The following CADM2 variants were observed in gnomAD, a reference collection of about 807,000 sequenced individuals.
CADM2 encodes the protein immunoglobulin superfamily member 4D.
A neutral mutation model predicts 49.8 loss-of-function variants in CADM2; 12 were observed. The ratio of observed to expected loss-of-function variants is 0.24; its 90% CI spans 0.15 to 0.39. The LOEUF is 0.39. Among genes scored for constraint, CADM2 ranks in the 10% least tolerant of loss-of-function variants. The probability of loss-of-function intolerance (pLI) is 1.00; values close to 1 mark genes in which losing one functional copy is unlikely to be tolerated. For synonymous variants in CADM2, 214 were observed against 175.4 expected (o/e 1.22, Z -1.74); for missense variants, 378 against 492.3 (o/e 0.77, Z 2.20).
chr3:85,448,836 G>A (rs1336463550), intron 1 of CADM2, among the ~76,000 whole-genome samples: 2 of 151,770 alleles, frequency 1.3e-5, no homozygotes, highest in Non-Finnish European at 2.9e-5. Context: ...GGATCACGAG[G>A]TCAGGAGATC....
At chr3:85,493,412 A>T (rs2039758185) in intron 1 of CADM2, among the ~76,000 whole-genome samples, 1 of 148,250 alleles carries the variant, frequency 6.7e-6, no homozygotes, top group Non-Finnish European at 1.5e-5. Flanking sequence ...AATAAATATC[A>T]ACTTTCATTA....
intron 3 of CADM2, among the ~76,000 whole-genome samples, chr3:85,831,420 G>A (rs2074181958): frequency 6.6e-6 from 1 of 151,938 alleles, no homozygotes; most frequent in Admixed American, 6.6e-5. Flanking sequence ...GCTTTCCCCA[G>A]CAACTGAACT....
chr3:86,058,740 T>G (rs570517558), intron 8 of CADM2, among the ~76,000 whole-genome samples: 27 of 152,198 alleles, frequency 1.8e-4, no homozygotes, highest in Middle Eastern at 3.4e-3. Flanking sequence ...AATTATTTCC[T>G]ACCATTATAT....
At chr3:85,095,277 C>T (rs778028986) in intron 1 of CADM2, among the ~76,000 whole-genome samples, 1 of 152,070 alleles carries the variant, frequency 6.6e-6, no homozygotes, top group Non-Finnish European at 1.5e-5. Flanking sequence ...TAATGGGACT[C>T]TAGGAGATTG....
intron 1 of CADM2, among the ~76,000 whole-genome samples, chr3:85,096,364 A>G (rs1304926028): frequency 6.6e-6 from 1 of 151,712 alleles, no homozygotes; most frequent in Non-Finnish European, 1.5e-5. Context: ...AGATCACTAA[A>G]CATTCAGTGA....
intron 1 of CADM2, among the ~76,000 whole-genome samples, chr3:85,682,850 GTTAT>G (rs1367177393): frequency 6.6e-6 from 1 of 151,890 alleles, no homozygotes; most frequent in Non-Finnish European, 1.5e-5. Flanking sequence ...TGAGTCTTCT[GTTAT>G]TTATTTATTT....
intron 1 of CADM2, among the ~76,000 whole-genome samples, chr3:85,461,699 C>G (rs2038253689): frequency 6.6e-6 from 1 of 152,228 alleles, no homozygotes; most frequent in Middle Eastern, 3.4e-3. Context: ...CTATTCTAAT[C>G]CATTCTATTT....
chr3:85,478,755 G>A (rs892384044), intron 1 of CADM2, among the ~76,000 whole-genome samples: 2 of 151,866 alleles, frequency 1.3e-5, no homozygotes, highest in Non-Finnish European at 1.5e-5. Flanking sequence ...GTGGTAGGCA[G>A]TCAGGAGATG....
intron 1 of CADM2, among the ~76,000 whole-genome samples, chr3:85,400,191 C>T (rs558489577): frequency 6.6e-6 from 1 of 152,248 alleles, no homozygotes; most frequent in Non-Finnish European, 1.5e-5. Flanking sequence ...GCCTTTTCTG[C>T]ATCTATTGAG....
chr3:85,944,363 C>T (rs1034742792), intron 7 of CADM2, among the ~76,000 whole-genome samples: 3 of 151,888 alleles, frequency 2.0e-5, no homozygotes, highest in Admixed American at 6.6e-5. Flanking sequence ...GACAGATCAA[C>T]GAAACAGAAA....
At chr3:85,755,262 A>C (rs1340617337) in intron 2 of CADM2, among the ~76,000 whole-genome samples, 2 of 152,182 alleles carry the variant, frequency 1.3e-5, no homozygotes, top group African/African-American at 4.8e-5. Context: ...CAGGTTGGAA[A>C]ATGTGTTAGA....
intron 1 of CADM2, among the ~76,000 whole-genome samples, chr3:85,281,870 G>A (rs1318041402): frequency 6.6e-6 from 1 of 151,984 alleles, no homozygotes; most frequent in African/African-American, 2.4e-5. Context: ...GTGAAACTAA[G>A]GAAAGGCCTA....
At chr3:85,116,097 C>T (rs537320772) in intron 1 of CADM2, among the ~76,000 whole-genome samples, 14 of 152,260 alleles carry the variant, frequency 9.2e-5, no homozygotes, top group South Asian at 4.1e-4. Context: ...GAGGCTGAGG[C>T]GGGCAGATTA....
At chr3:85,920,116 C>G (rs1718906706) in intron 6 of CADM2, among the ~76,000 whole-genome samples, 1 of 151,766 alleles carries the variant, frequency 6.6e-6, no homozygotes, top group Non-Finnish European at 1.5e-5. Context: ...CTTTCACTAC[C>G]TTTCTACATA....
At chr3:85,682,446 G>A (rs865864109) in intron 1 of CADM2, among the ~76,000 whole-genome samples, 2 of 151,992 alleles carry the variant, frequency 1.3e-5, no homozygotes, top group African/African-American at 2.4e-5. Context: ...CAGATTATCT[G>A]TTGAGCATTA....
At chr3:85,027,495 T>C (rs2034789567) in intron 1 of CADM2, among the ~76,000 whole-genome samples, 4 of 152,084 alleles carry the variant, frequency 2.6e-5, no homozygotes, top group African/African-American at 9.7e-5. Flanking sequence ...ATTCTATAAA[T>C]ATAAAATTAT....
At chr3:85,585,846 A>G (rs900392757) in intron 1 of CADM2, among the ~76,000 whole-genome samples, 1 of 152,058 alleles carries the variant, frequency 6.6e-6, no homozygotes, top group South Asian at 2.1e-4. Context: ...AATACAGGGG[A>G]AAATAAATGC....
At chr3:85,374,452 C>T (rs887190112) in intron 1 of CADM2, among the ~76,000 whole-genome samples, 2 of 152,158 alleles carry the variant, frequency 1.3e-5, no homozygotes, top group South Asian at 2.1e-4. Flanking sequence ...TTTCCCTTGT[C>T]TAGCTGTTTT....
At chr3:85,984,290 T>A (rs985855469) in intron 8 of CADM2, among the ~76,000 whole-genome samples, 1 of 151,158 alleles carries the variant, frequency 6.6e-6, no homozygotes, top group African/African-American at 2.4e-5. Context: ...GTGACTTTGA[T>A]ATGATTTCTA....
Sources: gnomAD v4.1 joint callset for allele counts (sites outside exome capture counted in the v4.1 genomes callset) on GRCh38, gnomAD v4.1.1 for gene constraint, MANE v1.5 for transcripts, NCBI Gene and HGNC (gene_info 2026-07-23, HGNC 2026-07-21) for gene names.